Variants in VPS13B observed in about 807,000 individuals in gnomAD.
The protein encoded by VPS13B is vacuolar protein sorting 13 homolog B, also known as intermembrane lipid transfer protein VPS13B.
Under a neutral mutation model 426.4 loss-of-function variants are expected in VPS13B, and 285 were observed. The ratio of observed to expected loss-of-function variants is 0.67; its 90% CI spans 0.61 to 0.74. VPS13B has a LOEUF of 0.74. VPS13B is among the 30% of genes least tolerant of loss of function. VPS13B has a pLI of 0.00. For missense variants in VPS13B, 4,537 were observed against 4,782.6 expected, an observed-to-expected ratio of 0.95 and a Z score of 1.51; for synonymous variants, 1,676 against 1,676.4, an observed-to-expected ratio of 1.00 and a Z score of 0.01.
At chr8:99,130,860 C>T (rs1460208094) in intron 8 of VPS13B, among the ~76,000 whole-genome samples, 1 of 152,012 alleles carries the variant, frequency 6.6e-6, no homozygotes, top group Non-Finnish European at 1.5e-5. Context: ...TAGGAGTCTA[C>T]ATTACATAAA....
intron 2 of VPS13B, among the ~76,000 whole-genome samples, chr8:99,020,227 A>G (rs901482702): frequency 6.6e-6 from 1 of 152,086 alleles, no homozygotes; most frequent in Non-Finnish European, 1.5e-5. Flanking sequence ...GCATTTCTCA[A>G]ATGATTAGTG....
At chr8:99,156,527 A>G (rs1324615934) in intron 14 of VPS13B, 22 bp from the exon 15 acceptor site, 1 of 1,612,786 alleles carries the variant, frequency 6.2e-7, no homozygotes, top group East Asian at 2.2e-5. Flanking sequence ...TAAAATATAA[A>G]GCGAACACTA....
At chr8:99,821,942 A>T (rs1376837846) in intron 50 of VPS13B, among the ~76,000 whole-genome samples, 1 of 152,196 alleles carries the variant, frequency 6.6e-6, no homozygotes, top group African/African-American at 2.4e-5. Flanking sequence ...TCCTAGAACC[A>T]CTGTTATATG....
At chr8:99,575,888 T>C in intron 32 of VPS13B, 104 bp downstream of exon 32, 2 of 1,119,610 alleles carry the variant, frequency 1.8e-6, no homozygotes, top group Non-Finnish European at 2.6e-6. Context: ...TCAAATTAGC[T>C]CATTAATAAT....
chr8:99,404,234 T>C (rs2133342483), intron 21 of VPS13B, among the ~76,000 whole-genome samples: 1 of 152,352 alleles, frequency 6.6e-6, no homozygotes, highest in Non-Finnish European at 1.5e-5. Flanking sequence ...TTTTCAAATA[T>C]AGAGTTCTTT....
At chr8:99,183,016 G>A (rs986314678) in intron 16 of VPS13B, among the ~76,000 whole-genome samples, 11 of 152,196 alleles carry the variant, frequency 7.2e-5, no homozygotes, top group African/African-American at 2.7e-4. Flanking sequence ...TGGGATTGCA[G>A]GCGTGAGCCA....
intron 43 of VPS13B, among the ~76,000 whole-genome samples, chr8:99,799,471 G>A (rs749686136): frequency 2.6e-4 from 39 of 152,124 alleles, no homozygotes; most frequent in Non-Finnish European, 3.1e-4. Context: ...TTGTTATACA[G>A]GCACTAAGAA....
rs1819838323 is a variant in VPS13B, at chr8:99,478,451, TTTTTTTTTTTTTTTG to T, written c.3667-3141_3667-3127del. Among the ~76,000 whole-genome samples, 9 of 124,452 alleles carry T rather than the reference TTTTTTTTTTTTTTTG, an allele frequency of 7.2e-5. No individual in the cohort carries two copies. In the Admixed American group the frequency reaches 8.1e-4, roughly 11 times the overall value. 81.6% of individuals were successfully genotyped at this position (124,452 alleles called of 152,430 possible). On this transcript the variant is annotated intron_variant, in intron 24 of 61. Transcript: ENST00000357162. ...AGACAGTTGTTTTTTTGTTTTGTTT[TTTTTTTTTTTTTTTG>T]TTTTTTGTTTTTTTTTTTTTGCCGA...
intron 2 of VPS13B, among the ~76,000 whole-genome samples, chr8:99,028,040 G>C (rs2132174299): frequency 6.6e-6 from 1 of 152,350 alleles, no homozygotes; most frequent in South Asian, 2.1e-4. Context: ...TAAGATCACA[G>C]ATCAACAGGA....
At chr8:99,423,040 T>C (rs1816461976) in intron 21 of VPS13B, among the ~76,000 whole-genome samples, 1 of 152,214 alleles carries the variant, frequency 6.6e-6, no homozygotes. Flanking sequence ...TTATTGCAAA[T>C]ATTTCCAAAT....
intron 21 of VPS13B, among the ~76,000 whole-genome samples, chr8:99,417,475 C>G (rs1402808521): frequency 6.6e-6 from 1 of 152,166 alleles, no homozygotes; most frequent in African/African-American, 2.4e-5. Context: ...CCTAAAAATT[C>G]TTACTGCTTC....
chr8:99,488,149 CTGAT>C (rs912511988), intron 25 of VPS13B, among the ~76,000 whole-genome samples: 3 of 152,102 alleles, frequency 2.0e-5, no homozygotes, highest in African/African-American at 7.2e-5. Flanking sequence ...TGCTGATTTT[CTGAT>C]TTAGAAGAGC....
At chr8:99,637,646 A>C (rs984801671) in intron 33 of VPS13B, among the ~76,000 whole-genome samples, 1 of 152,138 alleles carries the variant, frequency 6.6e-6, no homozygotes, top group African/African-American at 2.4e-5. Context: ...TAGCAGTCTC[A>C]GCACATAATA....
At chr8:99,726,802 C>T (rs1371827403) in intron 39 of VPS13B, among the ~76,000 whole-genome samples, 7 of 152,160 alleles carry the variant, frequency 4.6e-5, no homozygotes, top group African/African-American at 1.2e-4. Context: ...GTGATCTGCC[C>T]GCCTTGGCCT....
intron 37 of VPS13B, among the ~76,000 whole-genome samples, chr8:99,718,130 A>G (rs995075546): frequency 1.3e-5 from 2 of 151,872 alleles, no homozygotes; most frequent in Non-Finnish European, 2.9e-5. Context: ...CCCAGGCTGG[A>G]GTACAGGGGT....
intron 39 of VPS13B, among the ~76,000 whole-genome samples, chr8:99,735,364 A>G (rs1833780685): frequency 6.6e-6 from 1 of 152,166 alleles, no homozygotes; most frequent in Non-Finnish European, 1.5e-5. Flanking sequence ...ATGAGGTCAG[A>G]CTCGATTAGA....
At chr8:99,819,176 C>T (rs962540530) in intron 47 of VPS13B, among the ~76,000 whole-genome samples, 1 of 151,924 alleles carries the variant, frequency 6.6e-6, no homozygotes, top group African/African-American at 2.4e-5. Flanking sequence ...TTCATTGACA[C>T]ATGACTTCTG....
intron 27 of VPS13B, among the ~76,000 whole-genome samples, chr8:99,503,786 AGT>A (rs1821357459): frequency 6.6e-6 from 1 of 152,144 alleles, no homozygotes; most frequent in African/African-American, 2.4e-5. Context: ...TACTTCCTCC[AGT>A]GAGGTCTTGA....
At chr8:99,711,588 A>C (rs1832711828) in intron 36 of VPS13B, among the ~76,000 whole-genome samples, 1 of 152,224 alleles carries the variant, frequency 6.6e-6, no homozygotes, top group Non-Finnish European at 1.5e-5. Context: ...ACTGAAAAAA[A>C]AGTGAACAGC....
Sources: gnomAD v4.1 joint callset for allele counts (sites outside exome capture counted in the v4.1 genomes callset) on GRCh38, gnomAD v4.1.1 for gene constraint, MANE v1.5 for transcripts, NCBI Gene and HGNC (gene_info 2026-07-23, HGNC 2026-07-21) for gene names.